The following KIAA1217 variants were observed in gnomAD, a reference collection of about 807,000 sequenced individuals.
The protein encoded by KIAA1217 is KIAA1217.
A neutral mutation model predicts 163.9 loss-of-function variants in KIAA1217; 88 were observed. That is an observed-to-expected ratio of 0.54 (90% CI 0.45 to 0.64). The LOEUF (loss-of-function observed/expected upper bound fraction) is 0.64. Among genes scored for constraint, KIAA1217 ranks in the 30% least tolerant of loss-of-function variants. The probability of loss-of-function intolerance (pLI) is 0.00; values close to 1 mark genes in which losing one functional copy is unlikely to be tolerated. For missense variants in KIAA1217, 2,372 were observed against 2,475.0 expected (o/e 0.96, Z 0.88); for synonymous variants, 903 against 923.1 (o/e 0.98, Z 0.39).
intron 2 of KIAA1217, among the ~76,000 whole-genome samples, chr10:24,254,181 C>T (rs2131577014): frequency 6.6e-6 from 1 of 152,300 alleles, no homozygotes; most frequent in Non-Finnish European, 1.5e-5. Flanking sequence ...GCTCAGAATG[C>T]ACCCAGCAAA....
At chr10:23,728,868 C>A (rs888385846) in intron 1 of KIAA1217, among the ~76,000 whole-genome samples, 2 of 152,188 alleles carry the variant, frequency 1.3e-5, no homozygotes, top group Non-Finnish European at 1.5e-5. Context: ...ATATCCCACA[C>A]AAATGTATGA....
chr10:23,838,865 A>G (rs955874698), intron 1 of KIAA1217, among the ~76,000 whole-genome samples: 3 of 152,168 alleles, frequency 2.0e-5, no homozygotes, highest in Non-Finnish European at 4.4e-5. Flanking sequence ...ATTCACAAGT[A>G]TTCTATCTTA....
Position 24,402,166 on chromosome 10 carries a change from G to A in KIAA1217, c.553+21099G>A, listed in dbSNP as rs575749212. On this transcript the variant is annotated intron_variant, in intron 3 of 20. Coordinates refer to ENST00000376454, the MANE Select transcript of KIAA1217 (RefSeq NM_019590.5). ...AATATTCCTATAAAAACCACAGCAA[G>A]TTTTTTTTGTAAACATAAACAAGCT... Among the ~76,000 whole-genome samples, 7 of 152,064 alleles carry A rather than the reference G, an allele frequency of 4.6e-5. No individual in the cohort carries two copies. The East Asian group carries it at 1.4e-3, about 29-fold the overall frequency.
chr10:24,313,545 G>A (rs1308424774), intron 2 of KIAA1217, among the ~76,000 whole-genome samples: 3 of 152,186 alleles, frequency 2.0e-5, no homozygotes, highest in South Asian at 2.1e-4. Flanking sequence ...GCCAGATGGA[G>A]TTTTTCTGTA....
intron 2 of KIAA1217, among the ~76,000 whole-genome samples, chr10:24,095,426 T>G (rs956042714): frequency 2.6e-5 from 4 of 152,178 alleles, no homozygotes; most frequent in Non-Finnish European, 5.9e-5. Context: ...TCATGAGGAC[T>G]TGATAGTCCA....
rs923117518 is a variant in KIAA1217 at position 24,473,648 on chromosome 10, G to A, written c.1267G>A (p.Ala423Thr). Reference protein sequence around the residue: ...HPLDVPDHIIAYHRTAIRSAS... With the variant: ...HPLDVPDHIITYHRTAIRSAS... ...ACTGGATGTCCCCGACCACATCATT[G>A]CATATCACCGCACCGCCATCCGGTC... The change falls in exon 6 of 21, where the codon GCA (alanine) becomes ACA (threonine). Residue 423 changes from alanine to threonine, a missense_variant. By Grantham distance (58) the Ala-to-Thr change is moderately conservative (BLOSUM62 0). Transcript: ENST00000376454. The A allele has an allele frequency of 1.9e-6, 3 of 1,614,006 alleles. No individual in the cohort carries two copies. The highest frequency in any genetic ancestry group is 1.7e-5 in the Admixed American group (1 of 59,988).
At position 24,545,217 on chromosome 10, in the gene KIAA1217, A is replaced by T. The variant is rs528593047; in HGVS notation, c.5334+114A>T. On this transcript the variant is annotated intron_variant, in intron 20 of 20. Coordinates refer to ENST00000376454, the MANE Select transcript of KIAA1217 (RefSeq NM_019590.5). ...TTGTAAGATAACGGTTTACATAGACATCCTGGATCTGGGGGCATGAAGAAA... is the reference window on the plus strand; with the variant it reads ...TTGTAAGATAACGGTTTACATAGACTTCCTGGATCTGGGGGCATGAAGAAA... 6 of 1,501,960 alleles carry T rather than the reference A, an allele frequency of 4.0e-6. No homozygotes were observed. In the African/African-American group the frequency reaches 8.3e-5, roughly 21 times the overall value. 93.0% of individuals were successfully genotyped at this position (1,501,960 alleles called of 1,614,324 possible). A position where few individuals can be genotyped will look rare whatever the true frequency, so the allele number is the denominator to read the frequency against.
At chr10:24,156,554 G>A (rs1025138505) in intron 2 of KIAA1217, among the ~76,000 whole-genome samples, 2 of 152,066 alleles carry the variant, frequency 1.3e-5, no homozygotes, top group East Asian at 1.9e-4. Context: ...GTTCCTAAAG[G>A]TAACAAGACT....
chr10:24,305,986 G>A (rs112427070), intron 2 of KIAA1217, among the ~76,000 whole-genome samples: 3 of 152,108 alleles, frequency 2.0e-5, no homozygotes, highest in Non-Finnish European at 4.4e-5. Flanking sequence ...GAGTCTCTGT[G>A]GTACCAATGG....
intron 3 of KIAA1217, among the ~76,000 whole-genome samples, chr10:24,388,718 A>AC (rs2054390302): frequency 6.6e-6 from 1 of 151,952 alleles, no homozygotes; most frequent in Non-Finnish European, 1.5e-5. Flanking sequence ...TACAAGAAAA[A>AC]ATCAAACTCT....
At position 24,473,828 on chromosome 10, in the gene KIAA1217, A is replaced by G; in HGVS notation, c.1447A>G (p.Met483Val). ...TCCTCACAGAGTCAGTGACCTGAGG[A>G]TGATAGACATGCACGCTCACTATAA... ...ASPHRVSDLR[M>V]IDMHAHYNAH... Residue 483 changes from methionine to valine, a missense_variant, in exon 6 of 21, where the codon ATG becomes GTG. By Grantham distance (21) the Met-to-Val change is conservative (BLOSUM62 1). Coordinates refer to ENST00000376454, the MANE Select transcript of KIAA1217 (RefSeq NM_019590.5). 6.2e-7 allele frequency: 1 copy of G among 1,614,136 alleles called. No homozygotes were observed. The highest frequency in any genetic ancestry group is 1.6e-4 in the Middle Eastern group (1 of 6,062).
chr10:23,740,475 C>T (rs1168794975), intron 1 of KIAA1217, among the ~76,000 whole-genome samples: 7 of 152,120 alleles, frequency 4.6e-5, no homozygotes, highest in African/African-American at 7.2e-5. Flanking sequence ...CCTCTAGCCT[C>T]AGCCTTACAA....
rs1217946507 is a variant in KIAA1217, at chr10:24,351,534, G to A, written c.355-29335G>A. On this transcript the variant is annotated intron_variant, in intron 2 of 20. Coordinates refer to ENST00000376454, the MANE Select transcript of KIAA1217 (RefSeq NM_019590.5). ...ATGGAGGGGTCAGAGTCTTGTGGAA[G>A]GAGAGCTGGAGAGCCAGGGAGAATA... is the stretch of plus-strand genomic sequence containing the variant. Among the ~76,000 whole-genome samples, 6 of 152,176 alleles carry A rather than the reference G, an allele frequency of 3.9e-5. No homozygotes were observed. In the East Asian group the frequency reaches 1.2e-3, roughly 29 times the overall value.
At chr10:24,301,655 A>G (rs1258938005) in intron 2 of KIAA1217, among the ~76,000 whole-genome samples, 16 of 152,232 alleles carry the variant, frequency 1.1e-4, no homozygotes, top group Non-Finnish European at 2.1e-4. Context: ...GATTCCAAGA[A>G]GGACTTTGCT....
At chr10:23,951,677 C>A (rs1349489159) in intron 1 of KIAA1217, among the ~76,000 whole-genome samples, 1 of 152,090 alleles carries the variant, frequency 6.6e-6, no homozygotes, top group Non-Finnish European at 1.5e-5. Context: ...CAGCTCAGTT[C>A]TGTCTGTGTC....
At chr10:24,517,513 A>G (rs1020876266) in intron 10 of KIAA1217, among the ~76,000 whole-genome samples, 2 of 152,194 alleles carry the variant, frequency 1.3e-5, no homozygotes, top group Non-Finnish European at 2.9e-5. Context: ...AAAGCCAGAA[A>G]TTTCAACTCT....
In KIAA1217 at chr10:23,818,038, CAT is replaced by C. The variant is rs540574659; in HGVS notation, c.-321+122812_-321+122813del. Among the ~76,000 whole-genome samples the C allele has an allele frequency of 5.7e-4, 35 of 61,514 alleles. 1 individual carries two copies. The highest frequency in any genetic ancestry group is 1.3e-3 in the African/African-American group (22 of 16,936). 40.4% of individuals were successfully genotyped at this position (61,514 alleles called of 152,430 possible). ...ACATATATATACACACATATATATACATATATATACACATATATATACATATA... is the reference window on the plus strand; with the variant it reads ...ACATATATATACACACATATATATACATATATACACATATATATACATATA... On this transcript the variant is annotated intron_variant, in intron 1 of 18. Coordinates refer to the KIAA1217 transcript ENST00000376462.
At chr10:24,506,858 C>G (rs116416565) in intron 9 of KIAA1217, among the ~76,000 whole-genome samples, 439 of 152,242 alleles carry the variant, frequency 2.9e-3, no homozygotes, top group African/African-American at 9.5e-3. Context: ...GAACCAAACA[C>G]AAGAAAGCTC....
chr10:24,257,946 G>A (rs528505952), intron 2 of KIAA1217, among the ~76,000 whole-genome samples: 1 of 152,022 alleles, frequency 6.6e-6, no homozygotes, highest in Admixed American at 6.5e-5. Context: ...CCTTCAGTGG[G>A]CAACAAAGAT....
Sources: allele counts gnomAD v4.1 joint callset (sites outside exome capture counted in the v4.1 genomes callset), GRCh38; gene constraint gnomAD v4.1.1; transcripts MANE v1.5; gene names NCBI Gene and HGNC (gene_info 2026-07-23, HGNC 2026-07-21).